RAB11FIP3: variants seen among roughly 807,000 people sequenced by gnomAD.
RAB11FIP3 encodes the protein rab11 family-interacting protein 3.
A neutral mutation model predicts 77.8 loss-of-function variants in RAB11FIP3; 17 were observed. The observed-to-expected ratio is 0.22, with a 90% CI of 0.15 to 0.33. The LOEUF is 0.33. Ranked by LOEUF, RAB11FIP3 falls within the 10% of genes least tolerant of loss-of-function variation. The pLI is 1.00. For synonymous variants in RAB11FIP3, 437 were observed against 448.2 expected (o/e 0.98, Z 0.31); for missense variants, 1,005 against 1,011.2 (o/e 0.99, Z 0.08).
At chr16:494,053 A>G (rs138143066) in intron 5 of RAB11FIP3, among the ~76,000 whole-genome samples, 36,840 of 77,774 alleles carry the variant, frequency 0.47, 9,025 homozygotes, top group African/African-American at 0.59. Context: ...ACAGGCGCCC[A>G]TCACCACACC....
In RAB11FIP3 at chr16:469,032, G is replaced by A. The variant is rs140848511; in HGVS notation, c.809-2263G>A. Among the ~76,000 whole-genome samples the A allele has an allele frequency of 9.7e-3, 1,482 of 152,120 alleles. 9 individuals are homozygous for A. Among genetic ancestry groups the A allele is most frequent in the Non-Finnish European group, 0.017 (1,129 of 68,014 alleles). ...TTTATAAGCGCAGGCAAGACTGTTAGCATTTTAAAATGTAATTTAATTTTT... is the reference window on the plus strand; with the variant it reads ...TTTATAAGCGCAGGCAAGACTGTTAACATTTTAAAATGTAATTTAATTTTT... On this transcript the variant is annotated intron_variant, in intron 2 of 13. Transcript: ENST00000262305.
chr16:437,685 A>C (rs564867501), intron 1 of RAB11FIP3, among the ~76,000 whole-genome samples: 1 of 152,148 alleles, frequency 6.6e-6, no homozygotes, highest in East Asian at 1.9e-4. Context: ...ACTATATGTT[A>C]TAGACATCAG....
chr16:516,643 G>A lies in RAB11FIP3; in HGVS notation c.1641-2300G>A, dbSNP rs544767675. 4.6e-5 allele frequency among the ~76,000 whole-genome samples: 7 copies of A among 152,294 alleles called. No individual in the cohort carries two copies. The East Asian group carries it at 1.4e-3, about 29-fold the overall frequency. On this transcript the variant is annotated intron_variant, in intron 9 of 13. Transcript: ENST00000262305. The stretch of plus-strand genomic sequence containing the variant: ...TGTAACCCCAGCACTTTGGGAGGCC[G>A]AGGCAGGTGGATCATCTGAGGTCAG...
At chr16:511,877 C>T (rs2141887195) in intron 9 of RAB11FIP3, among the ~76,000 whole-genome samples, 1 of 124,156 alleles carries the variant, frequency 8.1e-6, no homozygotes, top group African/African-American at 3.2e-5. Context: ...AGGAGTAGTT[C>T]CCTGATGGCC....
At chr16:429,624 C>A (rs1030923799) in intron 1 of RAB11FIP3, among the ~76,000 whole-genome samples, 7 of 151,886 alleles carry the variant, frequency 4.6e-5, no homozygotes, top group Admixed American at 4.6e-4. Context: ...TTCAGCCTCC[C>A]GAGTAGCTGG....
intron 6 of RAB11FIP3, among the ~76,000 whole-genome samples, chr16:502,457 A>G (rs1480131836): frequency 6.6e-6 from 1 of 152,160 alleles, no homozygotes; most frequent in East Asian, 1.9e-4. Context: ...CGGTCGGACC[A>G]GTTTCCCAGT....
At chr16:431,531 C>T (rs905261587) in intron 1 of RAB11FIP3, among the ~76,000 whole-genome samples, 7 of 152,002 alleles carry the variant, frequency 4.6e-5, no homozygotes, top group South Asian at 2.1e-4. Flanking sequence ...AGGCGTGCAA[C>T]GCCTGGCTAA....
chr16:442,923 G>T (rs560798829), intron 1 of RAB11FIP3, among the ~76,000 whole-genome samples: 23 of 151,802 alleles, frequency 1.5e-4, no homozygotes, highest in Non-Finnish European at 2.4e-4. Flanking sequence ...TTCCAACATC[G>T]GGTGGGTTGG....
chr16:471,438 T>C lies in RAB11FIP3; in HGVS notation c.903+49T>C. On this transcript the variant is annotated intron_variant, in intron 3 of 13. Transcript: ENST00000262305. This position sits in a 1 kb window ranked among gnomAD's most constrained non-coding sequence, Gnocchi z 4.4. ...TTGGGGGAAGTCTGGCATCCACCTC[T>C]TCCTTTATGCCCTACAGCTCGTGCC... 6.9e-7 allele frequency: 1 copy of C among 1,440,994 alleles called. No homozygotes were observed. Among genetic ancestry groups the C allele is most frequent in the Non-Finnish European group, 9.6e-7 (1 of 1,037,954 alleles). The allele number at this position is 1,440,994 out of a possible 1,614,324, so 89.3% of individuals were successfully genotyped here. A position where few individuals can be genotyped will look rare whatever the true frequency, so the allele number is the denominator to read the frequency against.
intron 1 of RAB11FIP3, among the ~76,000 whole-genome samples, chr16:448,001 C>T (rs1014255702): frequency 8.6e-5 from 13 of 151,562 alleles, no homozygotes; most frequent in African/African-American, 2.9e-4. Context: ...AGAAAAAAAA[C>T]TGTAAAGAAA....
At chr16:492,278 G>A (rs1382404196) in intron 5 of RAB11FIP3, among the ~76,000 whole-genome samples, 4 of 151,886 alleles carry the variant, frequency 2.6e-5, no homozygotes, top group South Asian at 4.1e-4. Context: ...GATGGGGGTG[G>A]GGCCCGGCAC....
At chr16:456,802 CAA>C (rs2055512000) in intron 1 of RAB11FIP3, among the ~76,000 whole-genome samples, 2 of 152,122 alleles carry the variant, frequency 1.3e-5, no homozygotes, top group Admixed American at 1.3e-4. Context: ...CAAATCAAAA[CAA>C]AACGAGCACT....
At position 425,692 on chromosome 16, in the gene RAB11FIP3, TCCGGCCTCCTCGGCCCCCGTCCC is replaced by T. The variant is rs1333161463; in HGVS notation, c.-288_-266del. 1,113 of 270,108 alleles carry T rather than the reference TCCGGCCTCCTCGGCCCCCGTCCC, an allele frequency of 4.1e-3. 4 individuals carry two copies. Among genetic ancestry groups the T allele is most frequent in the Admixed American group, 8.4e-3 (154 of 18,424 alleles). The allele number at this position is 270,108 out of a possible 1,614,324, so 16.7% of individuals were successfully genotyped here. On this transcript the variant is annotated 5_prime_UTR_variant, in exon 1 of 14. Coordinates refer to ENST00000262305, the MANE Select transcript of RAB11FIP3 (RefSeq NM_014700.4). The stretch of plus-strand genomic sequence containing the variant: ...ATCCTGCTTCACAGGCTCCGCGGCC[TCCGGCCTCCTCGGCCCCCGTCCC>T]CCGGCCTCCTCGGCCCCCGTCCCCC...
chr16:449,937 TGA>T (rs1016283576), intron 1 of RAB11FIP3, among the ~76,000 whole-genome samples: 7 of 151,818 alleles, frequency 4.6e-5, no homozygotes, highest in African/African-American at 1.7e-4. Context: ...GGCGACAGAG[TGA>T]GGCTCCATCT....
intron 10 of RAB11FIP3, among the ~76,000 whole-genome samples, chr16:519,269 G>A (rs2032560390): frequency 6.6e-6 from 1 of 152,368 alleles, no homozygotes; most frequent in African/African-American, 2.4e-5. Flanking sequence ...CCTCCAAGGG[G>A]AAGGCATCAG....
In RAB11FIP3 at chr16:426,546, C is replaced by G. The variant is rs751892363; in HGVS notation, c.540C>G (p.Ser180=). 2.5e-6 allele frequency: 4 copies of G among 1,576,570 alleles called. No individual in the cohort carries two copies. The highest frequency in any genetic ancestry group is 3.4e-6 in the Non-Finnish European group (4 of 1,163,576). ...TGGCGCTGGAGCAAGGTCCCGGGTC[C>G]CCGCCGCAGCCCTCGGACCTCAGCC... The part of the protein sequence containing the change: ...GELALEQGPG[S]PPQPSDLSQT... Residue 180 remains serine (S), a synonymous_variant, in exon 1 of 14, where the codon TCC becomes TCG. Coordinates refer to ENST00000262305, the MANE Select transcript of RAB11FIP3 (RefSeq NM_014700.4). The surrounding 1 kb of genome is among the most constrained non-coding windows in gnomAD (Gnocchi z 5.0).
chr16:442,852 C>T (rs758948695), intron 1 of RAB11FIP3, among the ~76,000 whole-genome samples: 4 of 152,182 alleles, frequency 2.6e-5, no homozygotes, highest in South Asian at 2.1e-4. Context: ...GATGTTTCTT[C>T]CTCTCTTCTA....
intron 9 of RAB11FIP3, among the ~76,000 whole-genome samples, chr16:517,374 C>T (rs1387981887): frequency 6.6e-6 from 1 of 152,062 alleles, no homozygotes; most frequent in Non-Finnish European, 1.5e-5. Context: ...TGGAGACCAG[C>T]TCAGGCAACA....
chr16:518,328 G>A (rs545675568), intron 9 of RAB11FIP3, among the ~76,000 whole-genome samples: 5 of 152,304 alleles, frequency 3.3e-5, no homozygotes, highest in African/African-American at 7.2e-5. Context: ...CAATCCTCCC[G>A]CATTGGCCTC....
Sources: gnomAD v4.1 joint callset for allele counts (sites outside exome capture counted in the v4.1 genomes callset) on GRCh38, gnomAD v4.1.1 for gene constraint, Gnocchi (gnomAD v3.1) non-coding constraint, MANE v1.5 for transcripts, NCBI Gene and HGNC (gene_info 2026-07-23, HGNC 2026-07-21) for gene names.